The following THSD7A variants were observed in gnomAD, a reference collection of about 807,000 sequenced individuals.
THSD7A encodes thrombospondin type 1 domain containing 7A, also known as thrombospondin type-1 domain-containing protein 7A.
A neutral mutation model predicts 231.3 loss-of-function variants in THSD7A; 96 were observed. The ratio of observed to expected loss-of-function variants is 0.41; its 90% CI spans 0.35 to 0.49. THSD7A has a LOEUF of 0.49. Ranked by LOEUF, THSD7A falls within the 20% of genes least tolerant of loss-of-function variation. THSD7A has a pLI of 0.05. For synonymous variants in THSD7A, 940 were observed against 743.3 expected, an observed-to-expected ratio of 1.26 and a Z score of -4.30; for missense variants, 2,290 against 2,070.2, an observed-to-expected ratio of 1.11 and a Z score of -2.06.
At chr7:11,654,233 CT>C in intron 1 of THSD7A, among the ~76,000 whole-genome samples, 1 of 151,612 alleles carries the variant, frequency 6.6e-6, no homozygotes, top group Non-Finnish European at 1.5e-5. Flanking sequence ...ACAATTTTAG[CT>C]TAGAAACTAT....
intron 6 of THSD7A, among the ~76,000 whole-genome samples, chr7:11,528,350 C>T (rs1469705313): frequency 6.6e-6 from 1 of 152,084 alleles, no homozygotes; most frequent in Non-Finnish European, 1.5e-5. Context: ...TGGATATATT[C>T]TCTCTGTTAG....
intron 1 of THSD7A, among the ~76,000 whole-genome samples, chr7:11,759,497 C>T (rs1782788067): frequency 6.6e-6 from 1 of 151,978 alleles, no homozygotes; most frequent in African/African-American, 2.4e-5. Flanking sequence ...GAAGATCTAA[C>T]ATATCTAATC....
chr7:11,476,793 C>T (rs1443226926), intron 7 of THSD7A, among the ~76,000 whole-genome samples: 1 of 131,198 alleles, frequency 7.6e-6, no homozygotes, highest in East Asian at 2.2e-4. Context: ...CCAGCCTGGT[C>T]AACAGAGAGA....
chr7:11,652,663 C>T (rs555627592), intron 1 of THSD7A, among the ~76,000 whole-genome samples: 2 of 151,748 alleles, frequency 1.3e-5, no homozygotes, highest in African/African-American at 2.4e-5. Flanking sequence ...TTATGTAAAA[C>T]TTTTTATTAA....
At chr7:11,470,109 A>G in intron 8 of THSD7A, 115 bp from the exon 9 acceptor site, 1 of 719,836 alleles carries the variant, frequency 1.4e-6, no homozygotes, top group Non-Finnish European at 2.4e-6. Flanking sequence ...CATCTGTATT[A>G]TTTAACTTCC....
At chr7:11,498,159 G>A (rs1787182400) in intron 6 of THSD7A, among the ~76,000 whole-genome samples, 1 of 152,124 alleles carries the variant, frequency 6.6e-6, no homozygotes, top group South Asian at 2.1e-4. Context: ...AAGCCATGGG[G>A]CTGATCCATA....
At chr7:11,513,636 G>A (rs1429482111) in intron 6 of THSD7A, among the ~76,000 whole-genome samples, 1 of 152,104 alleles carries the variant, frequency 6.6e-6, no homozygotes, top group African/African-American at 2.4e-5. Context: ...GTTGCCATGG[G>A]ATGAGAGGAC....
intron 11 of THSD7A, among the ~76,000 whole-genome samples, chr7:11,457,886 C>T (rs902676771): frequency 2.0e-5 from 3 of 152,132 alleles, no homozygotes; most frequent in Admixed American, 1.3e-4. Flanking sequence ...AGTCTTTCCT[C>T]AGCTCTTCAG....
chr7:11,781,760 C>T (rs1783639272), intron 1 of THSD7A, among the ~76,000 whole-genome samples: 1 of 152,134 alleles, frequency 6.6e-6, no homozygotes, highest in Non-Finnish European at 1.5e-5. Context: ...CTAATTTCTC[C>T]TATTTTGAAA....
chr7:11,725,413 G>A (rs930033552), intron 1 of THSD7A, among the ~76,000 whole-genome samples: 3 of 151,872 alleles, frequency 2.0e-5, no homozygotes, highest in Non-Finnish European at 4.4e-5. Context: ...GAATCTTTTT[G>A]TTGTTAGGGT....
intron 6 of THSD7A, among the ~76,000 whole-genome samples, chr7:11,506,141 G>C (rs970921160): frequency 2.0e-5 from 3 of 152,062 alleles, no homozygotes; most frequent in Non-Finnish European, 4.4e-5. Flanking sequence ...ACAGGCATGT[G>C]ACACCACGCC....
At chr7:11,523,240 T>C (rs1174805307) in intron 6 of THSD7A, among the ~76,000 whole-genome samples, 1 of 152,054 alleles carries the variant, frequency 6.6e-6, no homozygotes, top group Non-Finnish European at 1.5e-5. Context: ...TGATTCTTGA[T>C]CTCTAAAAAT....
At chr7:11,556,791 G>A (rs554198391) in intron 4 of THSD7A, among the ~76,000 whole-genome samples, 20 of 152,046 alleles carry the variant, frequency 1.3e-4, no homozygotes, top group African/African-American at 3.9e-4. Context: ...AAATATGGTA[G>A]TACTTTATTC....
chr7:11,452,427 C>T (rs978012201), intron 11 of THSD7A, among the ~76,000 whole-genome samples: 1 of 151,986 alleles, frequency 6.6e-6, no homozygotes, highest in Admixed American at 6.6e-5. Context: ...TAGTTCCTAA[C>T]TACAATTTGT....
At chr7:11,450,495 C>G (rs920276132) in intron 11 of THSD7A, among the ~76,000 whole-genome samples, 56 of 152,160 alleles carry the variant, frequency 3.7e-4, no homozygotes, top group Admixed American at 3.5e-3. Flanking sequence ...TACATCTCAA[C>G]TTGTTTGTAT....
At chr7:11,826,432 C>A (rs1053435534) in intron 1 of THSD7A, among the ~76,000 whole-genome samples, 32 of 152,188 alleles carry the variant, frequency 2.1e-4, no homozygotes, top group Admixed American at 2.0e-3. Flanking sequence ...AATGCTAAGT[C>A]AGTCGCGTTT....
intron 6 of THSD7A, among the ~76,000 whole-genome samples, chr7:11,489,885 C>CT (rs1035096608): frequency 6.6e-6 from 1 of 151,954 alleles, no homozygotes. Context: ...TTAGGTTTCT[C>CT]TTTTTTCCCC....
intron 13 of THSD7A, among the ~76,000 whole-genome samples, chr7:11,432,155 T>C (rs1351056484): frequency 3.3e-5 from 5 of 152,118 alleles, no homozygotes; most frequent in African/African-American, 1.2e-4. Flanking sequence ...CCTCAAGTTA[T>C]TGACATTAAT....
chr7:11,821,179 C>T (rs958921037), intron 1 of THSD7A: 1 of 1,152,946 alleles, frequency 8.7e-7, no homozygotes, highest in African/African-American at 1.5e-5. Context: ...TCCTGAGGAC[C>T]CAAAGTGATG....
Sources: allele counts gnomAD v4.1 joint callset (sites outside exome capture counted in the v4.1 genomes callset), GRCh38; gene constraint gnomAD v4.1.1; transcripts MANE v1.5; gene names NCBI Gene and HGNC (gene_info 2026-07-23, HGNC 2026-07-21).